SCOC: variants seen among roughly 807,000 people sequenced by gnomAD.
SCOC encodes short coiled coil protein.
Under a neutral mutation model 9.9 loss-of-function variants are expected in SCOC, and 7 were observed. That is an observed-to-expected ratio of 0.71 (90% confidence interval 0.40 to 1.33). The LOEUF (loss-of-function observed/expected upper bound fraction) is 1.33. Among genes scored for constraint, SCOC ranks in the 40% most tolerant of loss-of-function variants. The probability of loss-of-function intolerance (pLI) is 0.01; values close to 1 mark genes in which losing one functional copy is unlikely to be tolerated. For missense variants in SCOC, 66 were observed against 89.7 expected, an observed-to-expected ratio of 0.74 and a Z score of 1.07; for synonymous variants, 19 against 28.2, an observed-to-expected ratio of 0.67 and a Z score of 1.03.
chr4:140,375,239 T>A (rs1423399913), intron 1 of SCOC, among the ~76,000 whole-genome samples: 2 of 152,226 alleles, frequency 1.3e-5, no homozygotes, highest in African/African-American at 4.8e-5. Context: ...TTCTTTAAAT[T>A]CTTTCTGTTG....
At chr4:140,320,391 G>T (rs1732464652) in intron 1 of SCOC, among the ~76,000 whole-genome samples, 1 of 152,190 alleles carries the variant, frequency 6.6e-6, no homozygotes, top group African/African-American at 2.4e-5. Flanking sequence ...TGTCTATGGA[G>T]TAGCCATTCT....
chr4:140,313,401 G>T (rs1049533748), intron 1 of SCOC, among the ~76,000 whole-genome samples: 49 of 152,244 alleles, frequency 3.2e-4, no homozygotes, highest in Non-Finnish European at 1.0e-4. Flanking sequence ...ATAGGCCCGT[G>T]TCACCACACC....
intron 2 of SCOC, chr4:140,366,506 T>C: frequency 6.4e-7 from 1 of 1,562,548 alleles, no homozygotes; most frequent in Non-Finnish European, 8.8e-7. Flanking sequence ...TTGATTATTC[T>C]GTTCCTCATT....
At chr4:140,348,970 G>A (rs1465807105) in intron 2 of SCOC, among the ~76,000 whole-genome samples, 2 of 152,112 alleles carry the variant, frequency 1.3e-5, no homozygotes, top group Admixed American at 6.5e-5. Context: ...GTGGTATTGA[G>A]CTCATTTTCA....
At chr4:140,280,042 C>T (rs1363989160) in intron 1 of SCOC, among the ~76,000 whole-genome samples, 2 of 152,212 alleles carry the variant, frequency 1.3e-5, no homozygotes, top group Non-Finnish European at 2.9e-5. Flanking sequence ...GCACATACTA[C>T]TTCCAATTTC....
intron 1 of SCOC, among the ~76,000 whole-genome samples, chr4:140,267,027 C>G (rs768635040): frequency 1.1e-4 from 16 of 152,150 alleles, no homozygotes; most frequent in Non-Finnish European, 1.9e-4. Flanking sequence ...GAGAGCAAAA[C>G]ACCATCTTCT....
At position 140,265,308 on chromosome 4, in the gene SCOC, C is replaced by T. The variant is rs573109787; in HGVS notation, c.-19+7898C>T. 2.6e-5 allele frequency among the ~76,000 whole-genome samples: 4 copies of T among 152,316 alleles called. No homozygotes were observed. In the South Asian group the frequency reaches 8.3e-4, roughly 32 times the overall value. Reference sequence around the variant, plus strand: ...ACCCAAAGAAAGGGTATTTCACTTGCTCTCAGTTTGCCTGTTCTCTTTTAG... The same window carrying T: ...ACCCAAAGAAAGGGTATTTCACTTGTTCTCAGTTTGCCTGTTCTCTTTTAG... On this transcript the variant is annotated intron_variant, in intron 1 of 4. Coordinates refer to the SCOC transcript ENST00000394205.
chr4:140,376,592 A>C (rs1240947777), intron 1 of SCOC: 2 of 152,046 alleles, frequency 1.3e-5, no homozygotes, highest in African/African-American at 4.8e-5. Flanking sequence ...CTCTACCCTA[A>C]TCTTGAGTGT....
intron 1 of SCOC, among the ~76,000 whole-genome samples, chr4:140,271,760 G>A (rs998212939): frequency 2.0e-5 from 3 of 152,170 alleles, no homozygotes; most frequent in Admixed American, 2.0e-4. Flanking sequence ...CACTCACATT[G>A]TCCCAGGCAC....
chr4:140,329,445 T>C (rs1416662532), intron 1 of SCOC, among the ~76,000 whole-genome samples: 6 of 151,976 alleles, frequency 3.9e-5, no homozygotes, highest in Admixed American at 1.3e-4. Flanking sequence ...CAAAAACAAA[T>C]AGATGGAACT....
At chr4:140,280,160 AG>A (rs1162698473) in intron 1 of SCOC, among the ~76,000 whole-genome samples, 6 of 152,126 alleles carry the variant, frequency 3.9e-5, no homozygotes, top group African/African-American at 1.4e-4. Flanking sequence ...TTTGTTGCTC[AG>A]GCTGGAGTGC....
chr4:140,348,618 A>G (rs1726846453), intron 2 of SCOC, among the ~76,000 whole-genome samples: 1 of 151,876 alleles, frequency 6.6e-6, no homozygotes, highest in African/African-American at 2.4e-5. Context: ...TCATCTGTCG[A>G]CAGACATTTA....
chr4:140,340,272 G>C (rs901109536), upstream of SCOC, among the ~76,000 whole-genome samples: 1 of 151,984 alleles, frequency 6.6e-6, no homozygotes, highest in Non-Finnish European at 1.5e-5. Flanking sequence ...GACACAGAAA[G>C]GGCAACATCA....
At chr4:140,296,462 T>C (rs1051854242) in intron 1 of SCOC, among the ~76,000 whole-genome samples, 5 of 152,140 alleles carry the variant, frequency 3.3e-5, no homozygotes, top group Non-Finnish European at 5.9e-5. Flanking sequence ...GTGCATGATT[T>C]ATTTCCAGAT....
At position 140,365,522 on chromosome 4, in the gene SCOC, A is replaced by G. The variant is rs117413110; in HGVS notation, c.71-13599A>G. Among the ~76,000 whole-genome samples, 405 of 152,338 alleles carry G rather than the reference A, an allele frequency of 2.7e-3. 9 individuals carry two copies. Among genetic ancestry groups the G allele is most frequent in the Admixed American group, 0.015 (222 of 15,306 alleles). ...TTACCATATAGAAACATTCTAAGAG[A>G]AATGAAAAGGAGCAAAAAGTCAGAC... On this transcript the variant is annotated intron_variant, in intron 2 of 4. Coordinates refer to the SCOC transcript ENST00000338517.
intron 1 of SCOC, among the ~76,000 whole-genome samples, chr4:140,301,500 C>CTAT (rs112467714): frequency 5.9e-5 from 9 of 152,260 alleles, no homozygotes; most frequent in African/African-American, 2.2e-4. Context: ...AGTATTCACC[C>CTAT]CATAGATGGC....
At chr4:140,311,149 C>T (rs1005149662) in intron 1 of SCOC, among the ~76,000 whole-genome samples, 1 of 152,102 alleles carries the variant, frequency 6.6e-6, no homozygotes, top group Non-Finnish European at 1.5e-5. Context: ...AGTGGGAGGA[C>T]CACTTGAGCC....
chr4:140,344,397 C>G (rs1039123711), intron 2 of SCOC, among the ~76,000 whole-genome samples: 7 of 152,158 alleles, frequency 4.6e-5, no homozygotes, highest in Admixed American at 4.6e-4. Context: ...ATGAAGCCAG[C>G]AAGACTGCAG....
chr4:140,289,944 G>A (rs1305863768), intron 1 of SCOC, among the ~76,000 whole-genome samples: 1 of 152,210 alleles, frequency 6.6e-6, no homozygotes, highest in Non-Finnish European at 1.5e-5. Flanking sequence ...ATTAAAGTGT[G>A]GTGCAGCAAT....
Sources: gnomAD v4.1 joint callset for allele counts (sites outside exome capture counted in the v4.1 genomes callset) on GRCh38, gnomAD v4.1.1 for gene constraint, MANE v1.5 for transcripts, NCBI Gene and HGNC (gene_info 2026-07-23, HGNC 2026-07-21) for gene names.